Variants in PDSS2 observed in about 807,000 individuals in gnomAD.
PDSS2 encodes decaprenyl diphosphate synthase subunit 2, also known as all trans-polyprenyl-diphosphate synthase PDSS2.
A neutral mutation model predicts 44.5 loss-of-function variants in PDSS2; 31 were observed. The observed-to-expected ratio is 0.70, with a 90% CI of 0.52 to 0.94. The LOEUF is 0.94. Among genes scored for constraint, PDSS2 ranks in the 40% least tolerant of loss-of-function variants. The pLI, the probability that PDSS2 is intolerant of heterozygous loss-of-function variation, is 0.00. For synonymous variants in PDSS2, 157 were observed against 180.3 expected, an observed-to-expected ratio of 0.87 and a Z score of 1.03; for missense variants, 452 against 482.2, an observed-to-expected ratio of 0.94 and a Z score of 0.59.
At chr6:107,295,497 G>A (rs1776482199) in intron 2 of PDSS2, among the ~76,000 whole-genome samples, 1 of 152,196 alleles carries the variant, frequency 6.6e-6, no homozygotes, top group South Asian at 2.1e-4. Context: ...GGGATGAAGT[G>A]TCCCCCGCGT....
chr6:107,274,487 A>C (rs1293122130), intron 2 of PDSS2, among the ~76,000 whole-genome samples: 1 of 152,126 alleles, frequency 6.6e-6, no homozygotes, highest in Non-Finnish European at 1.5e-5. Flanking sequence ...GAAGTTGACC[A>C]GTGGAGGGCC....
intron 1 of PDSS2, among the ~76,000 whole-genome samples, chr6:107,405,246 C>T (rs534859614): frequency 6.6e-6 from 1 of 152,078 alleles, no homozygotes; most frequent in South Asian, 2.1e-4. Flanking sequence ...TGTAGCAATT[C>T]ATCGCCACTA....
chr6:107,414,030 A>G (rs943758262), intron 1 of PDSS2, among the ~76,000 whole-genome samples: 3 of 152,250 alleles, frequency 2.0e-5, no homozygotes, highest in Non-Finnish European at 2.9e-5. Context: ...AGTATTTTTT[A>G]AGAAAAAAGA....
intron 1 of PDSS2, among the ~76,000 whole-genome samples, chr6:107,345,596 G>A (rs1409561383): frequency 1.3e-5 from 2 of 151,724 alleles, no homozygotes; most frequent in African/African-American, 4.8e-5. Context: ...CAGGAAGTTG[G>A]GGGAAATGAT....
intron 3 of PDSS2, among the ~76,000 whole-genome samples, chr6:107,248,441 GAA>G (rs1160686023): frequency 8.8e-5 from 5 of 56,510 alleles, no homozygotes; most frequent in Admixed American, 2.1e-4. Context: ...ACTAGGGGAA[GAA>G]AAAAAAAAAA....
chr6:107,325,125 C>G (rs1389787159), intron 2 of PDSS2, among the ~76,000 whole-genome samples: 1 of 152,144 alleles, frequency 6.6e-6, no homozygotes, highest in Non-Finnish European at 1.5e-5. Context: ...CACAGGCCTC[C>G]AAATATTCTA....
At chr6:107,287,861 G>A (rs926177100) in intron 2 of PDSS2, among the ~76,000 whole-genome samples, 2 of 151,974 alleles carry the variant, frequency 1.3e-5, no homozygotes, top group Non-Finnish European at 2.9e-5. Context: ...TGGGTGAGGT[G>A]GCGTGTGCCT....
At chr6:107,267,219 G>A (rs757173722) in intron 3 of PDSS2, among the ~76,000 whole-genome samples, 1 of 152,140 alleles carries the variant, frequency 6.6e-6, no homozygotes, top group Non-Finnish European at 1.5e-5. Context: ...TACTATCAAG[G>A]TCCAGAATAT....
At chr6:107,339,893 T>C (rs929890599) in intron 1 of PDSS2, among the ~76,000 whole-genome samples, 1 of 152,134 alleles carries the variant, frequency 6.6e-6, no homozygotes, top group South Asian at 2.1e-4. Flanking sequence ...GGTATTTTAT[T>C]AAGCAGCCAG....
chr6:107,343,951 A>G (rs1316917575), intron 1 of PDSS2, among the ~76,000 whole-genome samples: 4 of 152,218 alleles, frequency 2.6e-5, no homozygotes, highest in East Asian at 3.8e-4. Flanking sequence ...AAGAGCACAG[A>G]TATCTTTTTA....
At chr6:107,369,931 G>A (rs994044625) in intron 1 of PDSS2, among the ~76,000 whole-genome samples, 1 of 152,108 alleles carries the variant, frequency 6.6e-6, no homozygotes, top group African/African-American at 2.4e-5. Context: ...TCGAGCCCAG[G>A]AGGTCAGGGC....
At chr6:107,323,646 CAT>C (rs1310975297) in intron 2 of PDSS2, among the ~76,000 whole-genome samples, 1 of 152,192 alleles carries the variant, frequency 6.6e-6, no homozygotes, top group Non-Finnish European at 1.5e-5. Flanking sequence ...ACCATTAAGT[CAT>C]GAAGCTACTA....
In PDSS2 at chr6:107,204,084, G is replaced by A. The variant is rs535574495; in HGVS notation, c.1008+6355C>T. Among the ~76,000 whole-genome samples the A allele has an allele frequency of 9.3e-4, 141 of 151,780 alleles. 2 individuals carry two copies. Among genetic ancestry groups the A allele is most frequent in the Middle Eastern group, 3.4e-3 (1 of 292 alleles). On this transcript the variant is annotated intron_variant, in intron 6 of 7. Coordinates refer to ENST00000369037, the MANE Select transcript of PDSS2 (RefSeq NM_020381.4). ...CAGCCTCCCAAGTAGCTGGGACTAC[G>A]GGTGCCTATTACCACACCCGGCAAA...
Position 107,177,843 on chromosome 6 carries a change from C to G in PDSS2, c.1041+15979G>C, listed in dbSNP as rs116951653. ...CAATAAATAGTAAGCTCTGTAATCT[C>G]ATGACAAATACTAAGCTGGTTATTT... On this transcript the variant is annotated intron_variant, in intron 7 of 7. Coordinates refer to ENST00000369037, the MANE Select transcript of PDSS2 (RefSeq NM_020381.4). Among the ~76,000 whole-genome samples, 1,051 of 152,252 alleles carry G rather than the reference C, an allele frequency of 6.9e-3. 2 individuals are homozygous for G. The highest frequency in any genetic ancestry group is 0.011 in the Non-Finnish European group (746 of 68,020).
chr6:107,420,402 A>G (rs1249157087), intron 1 of PDSS2, among the ~76,000 whole-genome samples: 1 of 152,236 alleles, frequency 6.6e-6, no homozygotes, highest in Non-Finnish European at 1.5e-5. Flanking sequence ...GAAGAAAAGT[A>G]GGAAGAATCA....
chr6:107,387,203 G>A (rs988928422), intron 1 of PDSS2, among the ~76,000 whole-genome samples: 6 of 152,120 alleles, frequency 3.9e-5, no homozygotes, highest in African/African-American at 9.7e-5. Context: ...CTCACCACCC[G>A]TGAAAAAGAC....
At chr6:107,319,426 A>G (rs1777313845) in intron 2 of PDSS2, among the ~76,000 whole-genome samples, 1 of 152,302 alleles carries the variant, frequency 6.6e-6, no homozygotes, top group East Asian at 1.9e-4. Flanking sequence ...AGAGGTCATG[A>G]TCTGGGGTGT....
At chr6:107,253,228 G>T (rs1394229029) in intron 3 of PDSS2, among the ~76,000 whole-genome samples, 1 of 151,904 alleles carries the variant, frequency 6.6e-6, no homozygotes, top group South Asian at 2.1e-4. Context: ...TAGTAGAGAC[G>T]GGGTTTCACC....
In PDSS2 at chr6:107,459,428, G is replaced by A. The variant is rs186355337; in HGVS notation, c.-143C>T. On this transcript the variant is annotated 5_prime_UTR_variant, in exon 1 of 8. Coordinates refer to ENST00000369037, the MANE Select transcript of PDSS2 (RefSeq NM_020381.4). This position sits in a 1 kb window ranked among gnomAD's most constrained non-coding sequence, Gnocchi z 4.3. The stretch of plus-strand genomic sequence containing the variant: ...GAGTAAGGTGGCTTCCTGGAGCAGT[G>A]ACCAGAAACGAACTTTAACTGCTGC... 247 of 668,650 alleles carry A rather than the reference G, an allele frequency of 3.7e-4. No homozygotes were observed. In the African/African-American group the frequency reaches 4.0e-3, roughly 11 times the overall value. The allele number at this position is 668,650 out of a possible 1,614,324, so 41.4% of individuals were successfully genotyped here.
Sources: gnomAD v4.1 joint callset for allele counts (sites outside exome capture counted in the v4.1 genomes callset) on GRCh38, gnomAD v4.1.1 for gene constraint, Gnocchi (gnomAD v3.1) non-coding constraint, MANE v1.5 for transcripts, NCBI Gene and HGNC (gene_info 2026-07-23, HGNC 2026-07-21) for gene names.